NLRP9: variants seen among roughly 807,000 people sequenced by gnomAD.
The protein encoded by NLRP9 is NACHT, LRR and PYD domains-containing protein 9.
In NLRP9, 88 loss-of-function variants were observed where a neutral mutation model predicts 83.1. The observed-to-expected ratio is 1.06, with a 90% CI of 0.89 to 1.26. NLRP9 has a LOEUF of 1.26. Among genes scored for constraint, NLRP9 ranks in the 50% most tolerant of loss-of-function variants. NLRP9 has a pLI of 0.00. For synonymous variants in NLRP9, 521 were observed against 447.6 expected, an observed-to-expected ratio of 1.16 and a Z score of -2.07; for missense variants, 1,308 against 1,179.3, an observed-to-expected ratio of 1.11 and a Z score of -1.60.
chr19:55,712,473 G>C lies in NLRP9; in HGVS notation c.2619C>G (p.Val873=), dbSNP rs1987775364. The change falls in exon 7 of 9, where the codon GTC becomes GTG. Residue 873 remains valine, a synonymous_variant. Transcript: ENST00000332836. ...LGHNEIGDTG[V]RQLCAALQHP... The stretch of plus-strand genomic sequence containing the variant: ...GCTGCAAAGCTGCACATAACTGTCT[G>C]ACACCAGTGTCTCCTATTTCATTAT... 9 of 1,612,638 alleles carry C rather than the reference G, an allele frequency of 5.6e-6. No individual in the cohort carries two copies. The highest frequency in any genetic ancestry group is 3.3e-4 in the Middle Eastern group (2 of 6,082).
At chr19:55,711,339 A>G (rs1184204683) in intron 8 of NLRP9, 2 of 1,098,226 alleles carry the variant, frequency 1.8e-6, no homozygotes, top group South Asian at 4.7e-5. Flanking sequence ...AATAGGTACA[A>G]CTCTAAAGGC....
At chr19:55,736,905 AC>A (rs1202916593) in intron 1 of NLRP9, among the ~76,000 whole-genome samples, 1 of 152,110 alleles carries the variant, frequency 6.6e-6, no homozygotes, top group Non-Finnish European at 1.5e-5. Flanking sequence ...CAAATAAAAT[AC>A]CCTCAAGCAT....
chr19:55,734,696 G>A (rs888788638), intron 1 of NLRP9, among the ~76,000 whole-genome samples: 6 of 149,782 alleles, frequency 4.0e-5, no homozygotes, highest in Non-Finnish European at 7.4e-5. Context: ...GTGAGATGGC[G>A]CTATCTCAGC....
intron 4 of NLRP9, among the ~76,000 whole-genome samples, chr19:55,721,301 AAAC>A (rs1479701135): frequency 1.4e-4 from 21 of 152,354 alleles, no homozygotes; most frequent in Admixed American, 1.0e-3. Flanking sequence ...AATAAAAAGT[AAAC>A]AACAATGACA....
chr19:55,717,403 A>C (rs1337491861), intron 4 of NLRP9, among the ~76,000 whole-genome samples: 2 of 152,220 alleles, frequency 1.3e-5, no homozygotes. Context: ...GTTTGCACTG[A>C]AGTTAGGAAA....
intron 4 of NLRP9, among the ~76,000 whole-genome samples, chr19:55,722,995 G>T (rs759817102): frequency 6.6e-6 from 1 of 152,018 alleles, no homozygotes; most frequent in East Asian, 1.9e-4. Flanking sequence ...GGGGCCTGTC[G>T]GTGGGTGGGG....
intron 4 of NLRP9, among the ~76,000 whole-genome samples, chr19:55,723,116 A>T (rs889192577): frequency 6.6e-6 from 1 of 152,118 alleles, no homozygotes; most frequent in Non-Finnish European, 1.5e-5. Flanking sequence ...TGCACGTTGT[A>T]CACATGTACT....
In NLRP9 at chr19:55,708,902, G is replaced by C. The variant is rs1987564335; in HGVS notation, c.*10C>G. ...GCCTTTGTGAGACGACTACTTCAGG[G>C]TGTTCCCCATCAGAGGAGCACACCC... is the stretch of plus-strand genomic sequence containing the variant. On this transcript the variant is annotated 3_prime_UTR_variant, in exon 9 of 9. Transcript: ENST00000332836. 1 of 1,531,326 alleles carries C rather than the reference G, an allele frequency of 6.5e-7. No homozygotes were observed. The highest frequency in any genetic ancestry group is 8.7e-7 in the Non-Finnish European group (1 of 1,147,508). 94.9% of individuals were successfully genotyped at this position (1,531,326 alleles called of 1,614,324 possible).
rs1190913647 is a variant in NLRP9, at chr19:55,738,396, G to A, written c.-22C>T. The A allele has an allele frequency of 6.2e-7, 1 of 1,602,176 alleles. No individual in the cohort carries two copies. Among genetic ancestry groups the A allele is most frequent in the African/African-American group, 1.3e-5 (1 of 74,160 alleles). ...CCATATCGCCCCAGGATTGTGAACT[G>A]AGGTGTCTCCAGAGGGAAAAGAAAG... is the stretch of plus-strand genomic sequence containing the variant. On this transcript the variant is annotated 5_prime_UTR_variant, in exon 1 of 9. Coordinates refer to ENST00000332836, the MANE Select transcript of NLRP9 (RefSeq NM_176820.4).
chr19:55,720,263 G>A (rs1307715654), intron 4 of NLRP9, among the ~76,000 whole-genome samples: 1 of 152,124 alleles, frequency 6.6e-6, no homozygotes, highest in African/African-American at 2.4e-5. Context: ...CTTGTGCATG[G>A]TACAATAAGA....
intron 1 of NLRP9, among the ~76,000 whole-genome samples, chr19:55,734,105 A>T (rs1988705121): frequency 6.6e-6 from 1 of 151,524 alleles, no homozygotes; most frequent in African/African-American, 2.4e-5. Context: ...TTGTATTTTT[A>T]GTAGAGACGG....
In NLRP9 at chr19:55,709,061, A is replaced by T; in HGVS notation, c.2844-17T>A. The T allele has an allele frequency of 6.4e-7, 1 of 1,552,176 alleles. No individual in the cohort carries two copies. The highest frequency in any genetic ancestry group is 1.4e-5 in the African/African-American group (1 of 70,718). Reference sequence around the variant, plus strand: ...TTGTGCAGCCTGGGAAAATAGAAATAAAGTTTTTTTTTTTGTTTTTCATTT... The same window carrying T: ...TTGTGCAGCCTGGGAAAATAGAAATTAAGTTTTTTTTTTTGTTTTTCATTT... On this transcript the variant is annotated splice_polypyrimidine_tract_variant and intron_variant, in intron 8 of 8. Transcript: ENST00000332836.
chr19:55,720,058 A>T (rs1024823716), intron 4 of NLRP9, among the ~76,000 whole-genome samples: 8 of 152,226 alleles, frequency 5.3e-5, no homozygotes, highest in African/African-American at 1.9e-4. Flanking sequence ...GGGGAAAAAA[A>T]TCTACAAAAA....
intron 2 of NLRP9, among the ~76,000 whole-genome samples, chr19:55,730,635 T>A (rs939942399): frequency 6.6e-6 from 1 of 151,908 alleles, no homozygotes; most frequent in African/African-American, 2.4e-5. Flanking sequence ...GAGGCCATTA[T>A]CCTTAGCAAA....
rs751580235 is a variant in NLRP9, at chr19:55,732,299, A to G, written c.1532T>C (p.Phe511Ser). The G allele has an allele frequency of 6.2e-7, 1 of 1,614,210 alleles. No individual in the cohort carries two copies. The change falls in exon 2 of 9, where the codon TTT (phenylalanine) becomes TCT (serine). Residue 511 changes from phenylalanine (F) to serine (S), a missense_variant. Coordinates refer to ENST00000332836, the MANE Select transcript of NLRP9 (RefSeq NM_176820.4). ...TAGGTCTTTTGACAGTGGAAAACCA[A>G]AGGAGGTCTCCAGCATGCTGACGAT... ...EEIVSMLETS[F>S]GFPLSKDLKQ...
chr19:55,723,316 T>C (rs889201107), intron 4 of NLRP9, among the ~76,000 whole-genome samples: 3 of 152,234 alleles, frequency 2.0e-5, no homozygotes, highest in South Asian at 2.1e-4. Context: ...CTTGTGATCA[T>C]TAACATGCTT....
At position 55,738,276 on chromosome 19, in the gene NLRP9, A is replaced by C. The variant is rs757402101; in HGVS notation, c.99T>G (p.Pro33=). ...FWKFKELLKQ[P]LEKFELKPIP... is the part of the protein sequence containing the mutation. ...TTGGCTTGAGTTCAAATTTCTCCAA[A>C]GGTTGTTTGAGGAGCTCCTTAAATT... is the stretch of plus-strand genomic sequence containing the variant. Residue 33 remains proline (P), a synonymous_variant, in exon 1 of 9, where the codon CCT becomes CCG. Transcript: ENST00000332836. The C allele has an allele frequency of 3.1e-6, 5 of 1,614,112 alleles. No homozygotes were observed. The highest frequency in any genetic ancestry group is 4.2e-6 in the Non-Finnish European group (5 of 1,180,016).
intron 7 of NLRP9, 123 bp downstream of exon 7, chr19:55,712,297 T>G: frequency 1.2e-6 from 1 of 805,708 alleles, no homozygotes; most frequent in Non-Finnish European, 2.0e-6. Context: ...GCATTTTACA[T>G]ATCAGATCGT....
chr19:55,714,780 T>C (rs1600127926), intron 6 of NLRP9, among the ~76,000 whole-genome samples: 1 of 151,984 alleles, frequency 6.6e-6, no homozygotes, highest in African/African-American at 2.4e-5. Context: ...GCTTTGGAAG[T>C]GGCATTTTCT....
Sources: allele counts gnomAD v4.1 joint callset (sites outside exome capture counted in the v4.1 genomes callset), GRCh38; gene constraint gnomAD v4.1.1; transcripts MANE v1.5; gene names NCBI Gene and HGNC (gene_info 2026-07-23, HGNC 2026-07-21).